Variants in GALNT14 observed in about 807,000 individuals in gnomAD.
GALNT14 encodes UDP-GalNAc:polypeptide N-acetylgalactosaminyltransferase 14.
A neutral mutation model predicts 77.5 loss-of-function variants in GALNT14; 60 were observed. The ratio of observed to expected loss-of-function variants is 0.77; its 90% confidence interval spans 0.63 to 0.96. The LOEUF (loss-of-function observed/expected upper bound fraction) is 0.96, where lower values mean the gene tolerates loss of function less well. Among genes scored for constraint, GALNT14 ranks in the 40% least tolerant of loss-of-function variants. GALNT14 has a pLI of 0.00. For missense variants in GALNT14, 710 were observed against 731.0 expected (o/e 0.97, Z 0.33); for synonymous variants, 280 against 281.7 (o/e 0.99, Z 0.06).
chr2:30,973,837 G>C (rs1668492501), intron 2 of GALNT14, among the ~76,000 whole-genome samples: 1 of 152,150 alleles, frequency 6.6e-6, no homozygotes, highest in East Asian at 1.9e-4. Context: ...GAAATCCTGT[G>C]TCTCAGAAAA....
chr2:31,046,374 G>A (rs1291639204), intron 1 of GALNT14, among the ~76,000 whole-genome samples: 3 of 151,908 alleles, frequency 2.0e-5, no homozygotes, highest in East Asian at 1.9e-4. Context: ...TTACAGGTGC[G>A]TGCCACCACG....
intron 1 of GALNT14, chr2:31,129,505 C>A (rs1402573543): frequency 5.1e-6 from 5 of 985,316 alleles, no homozygotes; most frequent in Non-Finnish European, 6.0e-6. Flanking sequence ...CATCAATTGG[C>A]CATCTATTAA....
At chr2:30,953,888 G>A (rs762434200) in intron 6 of GALNT14, among the ~76,000 whole-genome samples, 7 of 152,146 alleles carry the variant, frequency 4.6e-5, no homozygotes, top group African/African-American at 1.2e-4. Flanking sequence ...CATGGCATCC[G>A]GTTTTTTATT....
rs576625506 is a variant in GALNT14 at position 31,120,092 on chromosome 2, C to T, written c.129+17866G>A. On this transcript the variant is annotated intron_variant, in intron 1 of 14. Transcript: ENST00000349752. ...AATGGCGTGAACCCGGGAGGCGGAG[C>T]TTGCAGTGAGCCGAGATCGCGCCAC... is the stretch of plus-strand genomic sequence containing the variant. Among the ~76,000 whole-genome samples, 32 of 71,220 alleles carry T rather than the reference C, an allele frequency of 4.5e-4. 2 individuals carry two copies. The South Asian group carries it at 0.013, about 28-fold the overall frequency. The allele number at this position is 71,220 out of a possible 152,430, so 46.7% of individuals were successfully genotyped here. A position where few individuals can be genotyped will look rare whatever the true frequency, so the allele number is the denominator to read the frequency against.
At chr2:31,053,704 T>C (rs1674039071) in intron 1 of GALNT14, among the ~76,000 whole-genome samples, 1 of 152,144 alleles carries the variant, frequency 6.6e-6, no homozygotes. Context: ...CTATTGCTGC[T>C]TCCCAGGAGC....
chr2:30,949,418 TG>T (rs1369868146), intron 6 of GALNT14, among the ~76,000 whole-genome samples: 1 of 152,148 alleles, frequency 6.6e-6, no homozygotes, highest in African/African-American at 2.4e-5. Context: ...GAGTTCTCTG[TG>T]TGCATGCCCC....
At chr2:30,958,580 C>T (rs1178143341) in intron 3 of GALNT14, 116 bp from the exon 4 acceptor site, 16 of 759,956 alleles carry the variant, frequency 2.1e-5, no homozygotes, top group Middle Eastern at 2.5e-4. Flanking sequence ...AGAGCACCAA[C>T]GGGCTTGTCC....
chr2:31,073,117 G>A (rs535869230), intron 1 of GALNT14: 43 of 152,250 alleles, frequency 2.8e-4, no homozygotes, highest in African/African-American at 1.0e-3. Flanking sequence ...CAGCTCCAAC[G>A]CTAACCAGCT....
At chr2:30,930,217 G>C (rs1020170338) in intron 10 of GALNT14, among the ~76,000 whole-genome samples, 2 of 152,206 alleles carry the variant, frequency 1.3e-5, no homozygotes, top group Non-Finnish European at 2.9e-5. Context: ...GAGTGCAAAG[G>C]CAGGGCCTGC....
intron 1 of GALNT14, among the ~76,000 whole-genome samples, chr2:31,002,267 T>C (rs979688550): frequency 2.0e-4 from 31 of 152,118 alleles, no homozygotes; most frequent in African/African-American, 7.2e-4. Flanking sequence ...CCATCTCTAC[T>C]AAAAATACAA....
In GALNT14 at chr2:31,138,213, G is replaced by A. The variant is rs1679317795; in HGVS notation, c.-127C>T. On this transcript the variant is annotated 5_prime_UTR_variant, in exon 1 of 15. Coordinates refer to ENST00000349752, the MANE Select transcript of GALNT14 (RefSeq NM_024572.4). Reference sequence around the variant, plus strand: ...GGAGCTCTAGACCCAGGATCCGGTTGGAGGGGCGGCAGGATCCTGCAAGGC... The same window carrying A: ...GGAGCTCTAGACCCAGGATCCGGTTAGAGGGGCGGCAGGATCCTGCAAGGC... 8.2e-7 allele frequency: 1 copy of A among 1,221,284 alleles called. No homozygotes were observed. The highest frequency in any genetic ancestry group is 1.5e-5 in the African/African-American group (1 of 65,568). The allele number at this position is 1,221,284 out of a possible 1,614,324, so 75.7% of individuals were successfully genotyped here. A position where few individuals can be genotyped will look rare whatever the true frequency, so the allele number is the denominator to read the frequency against.
intron 6 of GALNT14, among the ~76,000 whole-genome samples, chr2:30,949,705 C>T (rs942130327): frequency 6.6e-6 from 1 of 152,252 alleles, no homozygotes; most frequent in Non-Finnish European, 1.5e-5. Flanking sequence ...AATCAAAAAG[C>T]TCCTAGAGAT....
chr2:31,065,644 T>C (rs1168156836), intron 1 of GALNT14, among the ~76,000 whole-genome samples: 2 of 152,158 alleles, frequency 1.3e-5, no homozygotes, highest in Non-Finnish European at 2.9e-5. Flanking sequence ...TTGATGATGG[T>C]CCGGCAGGGC....
rs563560413 is a variant in GALNT14 at position 30,931,216 on chromosome 2, T to G, written c.1058+852A>C. ...CCATGTCTCCTCAGGACAGCTGTGT[T>G]GGGGTGGCTGTGTCAGGATGTGATG... On this transcript the variant is annotated intron_variant, in intron 10 of 14. Transcript: ENST00000349752. 3.9e-5 allele frequency among the ~76,000 whole-genome samples: 6 copies of G among 152,272 alleles called. No individual in the cohort carries two copies. The South Asian group carries it at 1.0e-3, about 26-fold the overall frequency.
At chr2:30,898,999 T>C in the GALNT14 span, among the ~76,000 whole-genome samples, 1 of 152,198 alleles carries the variant, frequency 6.6e-6, no homozygotes, top group South Asian at 2.1e-4. Flanking sequence ...TCTCTTGAGC[T>C]GAAGCGCAGG....
chr2:30,912,279 A>C lies in GALNT14; in HGVS notation c.1444T>G (p.Leu482Val), dbSNP rs1664412685. The change falls in exon 14 of 15, where the codon TTG (leucine) becomes GTG (valine). Residue 482 changes from leucine to valine, a missense_variant. Transcript: ENST00000349752. ...AGAACCACTGGGGCGCCAGGGAACAAGGTGATGACTGACAGGCACAGCTCC... is the reference window on the plus strand; with the variant it reads ...AGAACCACTGGGGCGCCAGGGAACACGGTGATGACTGACAGGCACAGCTCC... ...QEELCLSVITLFPGAPVVLVL... is the reference protein window; with the variant it reads ...QEELCLSVITVFPGAPVVLVL... The C allele has an allele frequency of 1.2e-6, 2 of 1,614,066 alleles. 1 individual carries two copies. The highest frequency in any genetic ancestry group is 2.2e-5 in the South Asian group (2 of 91,084).
At chr2:30,929,547 G>C in intron 10 of GALNT14, 60 bp from the exon 11 acceptor site, 1 of 1,292,176 alleles carries the variant, frequency 7.7e-7, no homozygotes, top group Non-Finnish European at 1.1e-6. Flanking sequence ...GGCCCTGTGA[G>C]TGCCAGTTAA....
the GALNT14 span, among the ~76,000 whole-genome samples, chr2:30,889,081 G>A: frequency 2.6e-5 from 4 of 152,102 alleles, no homozygotes; most frequent in East Asian, 3.9e-4. Context: ...CCACCCCTGC[G>A]GCTGTGTCCT....
intron 1 of GALNT14, among the ~76,000 whole-genome samples, chr2:31,029,673 C>G (rs1672288962): frequency 6.6e-6 from 1 of 152,162 alleles, no homozygotes. Context: ...CAGTCGCAAT[C>G]ATGTAGACTA....
Sources: allele counts gnomAD v4.1 joint callset (sites outside exome capture counted in the v4.1 genomes callset), GRCh38; gene constraint gnomAD v4.1.1; transcripts MANE v1.5; gene names NCBI Gene and HGNC (gene_info 2026-07-23, HGNC 2026-07-21).